Variants in SLC25A21 observed in about 807,000 individuals in gnomAD.
The protein encoded by SLC25A21 is solute carrier family 25 member 21, also known as mitochondrial 2-oxodicarboxylate carrier.
SLC25A21 carries 47 observed loss-of-function variants against 43.8 expected under a neutral mutation model. The ratio of observed to expected loss-of-function variants is 1.07; its 90% CI spans 0.85 to 1.37. The LOEUF (loss-of-function observed/expected upper bound fraction) is 1.37, where lower values mean the gene tolerates loss of function less well. SLC25A21 is among the 40% of genes most tolerant of loss of function. The pLI is 0.00. For synonymous variants in SLC25A21, 131 were observed against 121.3 expected (o/e 1.08, Z -0.52); for missense variants, 352 against 350.2 (o/e 1.00, Z -0.04).
chr14:36,982,191 T>G (rs17105856), intron 1 of SLC25A21, among the ~76,000 whole-genome samples: 3 of 152,094 alleles, frequency 2.0e-5, no homozygotes, highest in African/African-American at 7.3e-5. Context: ...AATCAAACTA[T>G]AGAACAGATT....
intron 3 of SLC25A21, among the ~76,000 whole-genome samples, chr14:36,796,753 T>C (rs1024352060): frequency 6.6e-6 from 1 of 152,176 alleles, no homozygotes; most frequent in Non-Finnish European, 1.5e-5. Context: ...CCAAGATCCA[T>C]GTGGACACTT....
At chr14:36,843,071 C>T (rs1889435814) in intron 2 of SLC25A21, among the ~76,000 whole-genome samples, 2 of 152,190 alleles carry the variant, frequency 1.3e-5, no homozygotes, top group Non-Finnish European at 2.9e-5. Context: ...AATGCCACTG[C>T]TGATCTGACA....
intron 1 of SLC25A21, among the ~76,000 whole-genome samples, chr14:36,949,801 A>C (rs1011365250): frequency 2.6e-5 from 4 of 152,126 alleles, no homozygotes. Flanking sequence ...GCTTTTCTCA[A>C]CTCTGAGACT....
intron 3 of SLC25A21, among the ~76,000 whole-genome samples, chr14:36,793,901 T>C (rs1176549920): frequency 1.4e-5 from 2 of 141,490 alleles, no homozygotes; most frequent in African/African-American, 5.4e-5. Context: ...TAGAGTGAAA[T>C]GTTCATTTTG....
rs1890738821 is a variant in SLC25A21 at position 36,881,871 on chromosome 14, A to G, written c.71-6867T>C. 1.3e-5 allele frequency among the ~76,000 whole-genome samples: 2 copies of G among 152,226 alleles called. 1 individual carries two copies. Among genetic ancestry groups the G allele is most frequent in the South Asian group, 4.1e-4 (2 of 4,834 alleles). ...AGCCGGGTGACCCAAAGTAGTAGCCATAAACATAATTAAAGGACAATGTTG... is the reference window on the plus strand; with the variant it reads ...AGCCGGGTGACCCAAAGTAGTAGCCGTAAACATAATTAAAGGACAATGTTG... On this transcript the variant is annotated intron_variant, in intron 1 of 9. Coordinates refer to ENST00000331299, the MANE Select transcript of SLC25A21 (RefSeq NM_030631.4).
intron 1 of SLC25A21, among the ~76,000 whole-genome samples, chr14:36,992,480 A>G (rs577365583): frequency 1.4e-3 from 209 of 152,310 alleles, no homozygotes; most frequent in African/African-American, 4.9e-3. Flanking sequence ...TAATTCTAAG[A>G]AAGGCGCCTT....
chr14:36,683,302 T>C (rs1882374601), intron 9 of SLC25A21, among the ~76,000 whole-genome samples: 1 of 152,186 alleles, frequency 6.6e-6, no homozygotes, highest in East Asian at 1.9e-4. Context: ...TCCAGCGTCA[T>C]GCTGACAAAG....
At chr14:37,062,993 A>G (rs1026153563) in intron 1 of SLC25A21, among the ~76,000 whole-genome samples, 4 of 152,178 alleles carry the variant, frequency 2.6e-5, no homozygotes, top group African/African-American at 9.7e-5. Flanking sequence ...AGGCCTAAGG[A>G]AACTTAAAAT....
At chr14:37,018,764 C>T (rs1049225006) in intron 1 of SLC25A21, among the ~76,000 whole-genome samples, 2 of 151,576 alleles carry the variant, frequency 1.3e-5, no homozygotes, top group Admixed American at 6.6e-5. Flanking sequence ...CTTCCCTTTG[C>T]ACTTAGAGGA....
chr14:36,682,518 A>G (rs1882322979), intron 9 of SLC25A21, among the ~76,000 whole-genome samples: 1 of 152,202 alleles, frequency 6.6e-6, no homozygotes, highest in East Asian at 1.9e-4. Context: ...TGAAGGTTCC[A>G]GTCAATTACC....
At chr14:36,920,210 A>G (rs2138623198) in intron 1 of SLC25A21, among the ~76,000 whole-genome samples, 1 of 152,206 alleles carries the variant, frequency 6.6e-6, no homozygotes, top group African/African-American at 2.4e-5. Context: ...AGACACATAT[A>G]TATGGAAAAA....
At chr14:37,087,868 C>T (rs1328416034) in intron 1 of SLC25A21, among the ~76,000 whole-genome samples, 25 of 152,224 alleles carry the variant, frequency 1.6e-4, no homozygotes, top group Admixed American at 1.6e-3. Flanking sequence ...GAAACACACA[C>T]ACCAAACACA....
intron 1 of SLC25A21, among the ~76,000 whole-genome samples, chr14:36,923,488 T>C (rs541203102): frequency 2.0e-5 from 3 of 152,282 alleles, no homozygotes; most frequent in Admixed American, 1.3e-4. Context: ...ACACAAGGAA[T>C]TGAAGAACAA....
chr14:36,691,855 A>G (rs1420542850), intron 7 of SLC25A21, among the ~76,000 whole-genome samples: 1 of 152,190 alleles, frequency 6.6e-6, no homozygotes, highest in African/African-American at 2.4e-5. Context: ...CTTATAAATC[A>G]TGTGATATAA....
chr14:37,098,766 C>CAGATAGAT (rs1566880347), intron 1 of SLC25A21, among the ~76,000 whole-genome samples: 5 of 102,588 alleles, frequency 4.9e-5, no homozygotes, highest in African/African-American at 2.0e-4. Flanking sequence ...GACAGACAGA[C>CAGATAGAT]AGACAGACAG....
intron 1 of SLC25A21, among the ~76,000 whole-genome samples, chr14:37,111,384 A>G (rs1007444486): frequency 6.6e-6 from 1 of 152,090 alleles, no homozygotes; most frequent in Non-Finnish European, 1.5e-5. Flanking sequence ...AATAAATCAG[A>G]TGTTAGTTTT....
chr14:36,961,634 A>G (rs2138674743), intron 1 of SLC25A21, among the ~76,000 whole-genome samples: 1 of 152,100 alleles, frequency 6.6e-6, no homozygotes, highest in East Asian at 1.9e-4. Context: ...CCCATGCTCC[A>G]TTGCTGGTGA....
chr14:37,103,723 TG>T (rs1164555826), intron 1 of SLC25A21, among the ~76,000 whole-genome samples: 1 of 152,204 alleles, frequency 6.6e-6, no homozygotes, highest in Non-Finnish European at 1.5e-5. Flanking sequence ...CATGCTAATC[TG>T]ACTATCCAAA....
chr14:36,708,744 G>GTTTTTTTTTT (rs58837881), intron 7 of SLC25A21, among the ~76,000 whole-genome samples: 1 of 108,490 alleles, frequency 9.2e-6, no homozygotes, highest in Non-Finnish European at 1.9e-5. Context: ...GCTAACGTTA[G>GTTTTTTTTTT]TTTTTTTTTT....
Sources: allele counts gnomAD v4.1 joint callset (sites outside exome capture counted in the v4.1 genomes callset), GRCh38; gene constraint gnomAD v4.1.1; transcripts MANE v1.5; gene names NCBI Gene and HGNC (gene_info 2026-07-23, HGNC 2026-07-21).